The following EPHA8 variants were observed in gnomAD, a reference collection of about 807,000 sequenced individuals.
EPHA8 encodes the protein EPH receptor A8.
In EPHA8, 58 loss-of-function variants were observed where a neutral mutation model predicts 103.6. The ratio of observed to expected loss-of-function variants is 0.56; its 90% confidence interval spans 0.45 to 0.70. The LOEUF (loss-of-function observed/expected upper bound fraction) is 0.70, where lower values mean the gene tolerates loss of function less well. Ranked by LOEUF, EPHA8 falls within the 30% of genes least tolerant of loss-of-function variation. The pLI, the probability that EPHA8 is intolerant of heterozygous loss-of-function variation, is 0.00. For synonymous variants in EPHA8, 559 were observed against 572.5 expected (o/e 0.98, Z 0.34); for missense variants, 1,304 against 1,395.2 (o/e 0.93, Z 1.04).
chr1:22,591,289 A>G (rs1641365550), intron 5 of EPHA8, among the ~76,000 whole-genome samples: 1 of 152,092 alleles, frequency 6.6e-6, no homozygotes, highest in East Asian at 1.9e-4. Flanking sequence ...TGGTGGCACA[A>G]TCACGGCTCA....
chr1:22,599,150 G>A, intron 13 of EPHA8, 103 bp downstream of exon 13: 1 of 1,297,586 alleles, frequency 7.7e-7, no homozygotes, highest in Non-Finnish European at 1.1e-6. Context: ...GAAGTTGGCA[G>A]TTTCGGGGTG....
intron 3 of EPHA8, among the ~76,000 whole-genome samples, chr1:22,578,537 G>A (rs1251247621): frequency 7.2e-6 from 1 of 139,410 alleles, no homozygotes; most frequent in Non-Finnish European, 1.5e-5. Context: ...GCATATGCGT[G>A]CATGTGTGCG....
chr1:22,588,953 A>G lies in EPHA8; in HGVS notation c.1062A>G (p.Pro354=). The G allele has an allele frequency of 6.2e-7, 1 of 1,613,042 alleles. No individual in the cohort carries two copies. Among genetic ancestry groups the G allele is most frequent in the Non-Finnish European group, 8.5e-7 (1 of 1,179,960 alleles). The change falls in exon 5 of 17, where the codon CCA becomes CCG. Residue 354 remains proline (P), a synonymous_variant. Coordinates refer to ENST00000166244, the MANE Select transcript of EPHA8 (RefSeq NM_020526.5). ...TGGAGTGGGCCCCTCCCCTGGACCCAGGTGGCCGCAGTGACATCACCTACA... is the reference window on the plus strand; with the variant it reads ...TGGAGTGGGCCCCTCCCCTGGACCCGGGTGGCCGCAGTGACATCACCTACA... The part of the protein sequence containing the change: ...VTLEWAPPLD[P]GGRSDITYNA...
At chr1:22,572,264 G>A (rs1640562458) in intron 2 of EPHA8, among the ~76,000 whole-genome samples, 1 of 152,242 alleles carries the variant, frequency 6.6e-6, no homozygotes, top group South Asian at 2.1e-4. Flanking sequence ...CGGGGGCTCC[G>A]CCTCCTGTAG....
intron 13 of EPHA8, among the ~76,000 whole-genome samples, chr1:22,599,731 GGAA>G (rs1380934152): frequency 5.3e-4 from 1 of 1,888 alleles, no homozygotes; most frequent in African/African-American, 2.3e-3. Flanking sequence ...AGGGAGGGAA[GGAA>G]GGAGGGAGGG....
At chr1:22,599,327 C>T (rs1641612837) in intron 13 of EPHA8, among the ~76,000 whole-genome samples, 1 of 152,268 alleles carries the variant, frequency 6.6e-6, no homozygotes, top group South Asian at 2.1e-4. Context: ...GTTGGAATCT[C>T]CCCGAATTGT....
chr1:22,566,194 GGCCCAAGGCT>G (rs1640354251), intron 1 of EPHA8, among the ~76,000 whole-genome samples: 1 of 152,212 alleles, frequency 6.6e-6, no homozygotes, highest in African/African-American at 2.4e-5. Context: ...ACCCCTGCCA[GGCCCAAGGCT>G]GCTTATTGCT....
rs546231948 is a variant in EPHA8 at position 22,586,160 on chromosome 1, G to A, written c.824-320G>A. 3.9e-5 allele frequency among the ~76,000 whole-genome samples: 6 copies of A among 152,312 alleles called. No individual in the cohort carries two copies. In the South Asian group the frequency reaches 8.3e-4, roughly 21 times the overall value. Reference sequence around the variant, plus strand: ...ACCCCTAAAGCTGGAGACAGGGCCTGGGGGAGGGGTCAATTAGAGGAGGGC... The same window carrying A: ...ACCCCTAAAGCTGGAGACAGGGCCTAGGGGAGGGGTCAATTAGAGGAGGGC... On this transcript the variant is annotated intron_variant, in intron 3 of 16. Coordinates refer to ENST00000166244, the MANE Select transcript of EPHA8 (RefSeq NM_020526.5).
Position 22,589,350 on chromosome 1 carries a change from C to T in EPHA8, c.1315+144C>T. 1 of 1,588,136 alleles carries T rather than the reference C, an allele frequency of 6.3e-7. No individual in the cohort carries two copies. Among genetic ancestry groups the T allele is most frequent in the Non-Finnish European group, 8.6e-7 (1 of 1,168,322 alleles). ...CTGGCCCTGCGCTCCTCACCAGGAC[C>T]CAGAGCTGGAGGCTCTTCATTGCCT... On this transcript the variant is annotated intron_variant, in intron 5 of 16. Transcript: ENST00000166244. The surrounding 1 kb of genome is among the most constrained non-coding windows in gnomAD (Gnocchi z 4.3).
intron 2 of EPHA8, among the ~76,000 whole-genome samples, chr1:22,570,301 CACGTGT>C (rs1557551049): frequency 6.7e-6 from 1 of 148,844 alleles, no homozygotes; most frequent in East Asian, 2.0e-4. Context: ...CACACATGCA[CACGTGT>C]GCGTGTACAC....
chr1:22,585,053 GCA>G (rs753358406), intron 3 of EPHA8, among the ~76,000 whole-genome samples: 1,264 of 94,218 alleles, frequency 0.013, 8 homozygotes, highest in African/African-American at 0.058. Flanking sequence ...GTGTGTGTGC[GCA>G]CGCGTGTGTC....
At chr1:22,593,768 A>G in intron 7 of EPHA8, 82 bp downstream of exon 7, 1 of 1,424,238 alleles carries the variant, frequency 7.0e-7, no homozygotes. Flanking sequence ...GGAGAGAGCT[A>G]GTGCAGGCTG....
At chr1:22,584,932 G>A (rs990424248) in intron 3 of EPHA8, among the ~76,000 whole-genome samples, 2 of 152,182 alleles carry the variant, frequency 1.3e-5, no homozygotes, top group East Asian at 1.9e-4. Flanking sequence ...CAGTCTAGAA[G>A]GAGAGTCAGC....
chr1:22,586,970 T>C (rs1641230375), intron 4 of EPHA8, among the ~76,000 whole-genome samples: 1 of 152,268 alleles, frequency 6.6e-6, no homozygotes, highest in African/African-American at 2.4e-5. Flanking sequence ...CAAGCCAGGG[T>C]GCTCGCCTGT....
At chr1:22,578,637 G>T (rs1177974016) in intron 3 of EPHA8, among the ~76,000 whole-genome samples, 2 of 144,930 alleles carry the variant, frequency 1.4e-5, no homozygotes, top group African/African-American at 5.5e-5. Flanking sequence ...GTGCATGTGT[G>T]TATGTGTATG....
chr1:22,571,414 A>T (rs1268803036), intron 2 of EPHA8, among the ~76,000 whole-genome samples: 5 of 152,160 alleles, frequency 3.3e-5, no homozygotes, highest in Non-Finnish European at 7.3e-5. Context: ...ATCATCAAGC[A>T]GGTTCCAGCT....
intron 3 of EPHA8, among the ~76,000 whole-genome samples, chr1:22,578,591 G>A (rs975988189): frequency 1.1e-4 from 16 of 143,114 alleles, no homozygotes; most frequent in South Asian, 2.4e-4. Context: ...GCATGAATGC[G>A]TGTGTGCATG....
intron 3 of EPHA8, among the ~76,000 whole-genome samples, chr1:22,579,351 A>T (rs926934992): frequency 2.5e-4 from 32 of 130,354 alleles, no homozygotes; most frequent in Admixed American, 5.1e-4. Context: ...GAGTGTATGT[A>T]TGCGTGTGTG....
intron 3 of EPHA8, among the ~76,000 whole-genome samples, chr1:22,583,748 C>A (rs1424081117): frequency 7.9e-5 from 12 of 152,230 alleles, no homozygotes; most frequent in Admixed American, 7.9e-4. Context: ...CCTAATGTCA[C>A]TGAGCTCAGA....
Sources: allele counts gnomAD v4.1 joint callset (sites outside exome capture counted in the v4.1 genomes callset), GRCh38; gene constraint gnomAD v4.1.1; non-coding constraint Gnocchi (gnomAD v3.1); transcripts MANE v1.5; gene names NCBI Gene and HGNC (gene_info 2026-07-23, HGNC 2026-07-21).